DOCK10: variants seen among roughly 807,000 people sequenced by gnomAD.
DOCK10 encodes dedicator of cytokinesis protein 10.
In DOCK10, 145 loss-of-function variants were observed where a neutral mutation model predicts 280.1. That is an observed-to-expected ratio of 0.52 (90% CI 0.45 to 0.59). DOCK10 has a LOEUF of 0.59. Ranked by LOEUF, DOCK10 falls within the 20% of genes least tolerant of loss-of-function variation. The probability of loss-of-function intolerance (pLI) is 0.00; values close to 1 mark genes in which losing one functional copy is unlikely to be tolerated. For missense variants in DOCK10, 2,368 were observed against 2,651.7 expected, an observed-to-expected ratio of 0.89 and a Z score of 2.35; for synonymous variants, 915 against 942.2, an observed-to-expected ratio of 0.97 and a Z score of 0.53.
At chr2:224,828,697 T>G (rs1423218754) in intron 27 of DOCK10, among the ~76,000 whole-genome samples, 2 of 152,174 alleles carry the variant, frequency 1.3e-5, no homozygotes, top group African/African-American at 4.8e-5. Flanking sequence ...AGAGGCCATG[T>G]GCTGTGCTTA....
In DOCK10 at chr2:224,885,269, G is replaced by T. The variant is rs1699210753; in HGVS notation, c.747+402C>A. Among the ~76,000 whole-genome samples the T allele has an allele frequency of 4.6e-5, 7 of 152,162 alleles. No individual in the cohort carries two copies. The South Asian group carries it at 1.4e-3, about 31-fold the overall frequency. On this transcript the variant is annotated intron_variant, in intron 7 of 55. Transcript: ENST00000258390. Reference sequence around the variant, plus strand: ...CCCGCCTTGGCCTCCCAAAGTGTTGGGATTACAGGTGTGAGCCCCTGCGCC... The same window carrying T: ...CCCGCCTTGGCCTCCCAAAGTGTTGTGATTACAGGTGTGAGCCCCTGCGCC...
At chr2:224,774,828 T>A (rs1690716143) in intron 52 of DOCK10, 77 bp downstream of exon 52, 1 of 1,340,512 alleles carries the variant, frequency 7.5e-7, no homozygotes, top group Admixed American at 2.0e-5. Flanking sequence ...TAACTCTTGA[T>A]TCCTACTGAT....
chr2:224,963,646 C>T (rs13402952), intron 1 of DOCK10, among the ~76,000 whole-genome samples: 37,334 of 151,986 alleles, frequency 0.25, 4,763 homozygotes, highest in Admixed American at 0.28. Flanking sequence ...ATGTAAATGA[C>T]GAGAACGTGA....
chr2:224,896,917 C>A (rs746957564), intron 3 of DOCK10, among the ~76,000 whole-genome samples: 1 of 152,138 alleles, frequency 6.6e-6, no homozygotes, highest in African/African-American at 2.4e-5. Context: ...ATAGGGGGAA[C>A]TATTTAACAT....
chr2:224,837,416 AAACC>A (rs1299192776), intron 25 of DOCK10, among the ~76,000 whole-genome samples: 1 of 152,256 alleles, frequency 6.6e-6, no homozygotes, highest in Non-Finnish European at 1.5e-5. Flanking sequence ...AGCATTCAAC[AAACC>A]AACAGGAAAG....
intron 1 of DOCK10, among the ~76,000 whole-genome samples, chr2:224,981,447 A>C (rs2126252755): frequency 6.6e-6 from 1 of 152,342 alleles, no homozygotes; most frequent in Non-Finnish European, 1.5e-5. Context: ...CCTAGACTTC[A>C]ATGTCTCCTC....
intron 1 of DOCK10, among the ~76,000 whole-genome samples, chr2:224,987,457 A>T (rs1706004007): frequency 6.6e-6 from 1 of 151,848 alleles, no homozygotes; most frequent in Non-Finnish European, 1.5e-5. Flanking sequence ...ACACTAGAGC[A>T]CCTGTCACCA....
At position 224,864,953 on chromosome 2, in the gene DOCK10, ATT is replaced by A. The variant is rs1164710683; in HGVS notation, c.1390_1391del (p.Asn464TrpfsTer40). ...MLLGASVALE[N>X]GNIDTITPRQ... ...TTGGAGTGATGGTGTCGATGTTGCC[ATT>A]TTCCAAAGCCACAGAAGCCCCCAAG... is the stretch of plus-strand genomic sequence containing the variant. On this transcript the variant is annotated frameshift_variant, in exon 12 of 56. Coordinates refer to ENST00000258390, the MANE Select transcript of DOCK10 (RefSeq NM_014689.3). LOFTEE classifies it high-confidence loss of function. 1 of 1,613,704 alleles carries A rather than the reference ATT, an allele frequency of 6.2e-7. No homozygotes were observed. The highest frequency in any genetic ancestry group is 2.2e-5 in the East Asian group (1 of 44,890).
chr2:224,784,090 G>A (rs1423813724), intron 50 of DOCK10, among the ~76,000 whole-genome samples: 1 of 152,066 alleles, frequency 6.6e-6, no homozygotes, highest in Non-Finnish European at 1.5e-5. Flanking sequence ...GACATGGCTT[G>A]TTCTCCAAAT....
At chr2:224,963,216 G>A (rs1363791854) in intron 1 of DOCK10, among the ~76,000 whole-genome samples, 1 of 152,150 alleles carries the variant, frequency 6.6e-6, no homozygotes, top group Non-Finnish European at 1.5e-5. Flanking sequence ...GAACCCTTAA[G>A]GGTTTCACGT....
intron 13 of DOCK10, 104 bp from the exon 14 acceptor site, chr2:224,862,850 A>G (rs1697609135): frequency 2.8e-6 from 2 of 717,968 alleles, no homozygotes; most frequent in Non-Finnish European, 2.1e-6. Context: ...ACTGAAACTC[A>G]GCGTAACTGT....
In DOCK10 at chr2:224,959,405, C is replaced by T. The variant is rs1256309357; in HGVS notation, c.124-27737G>A. ...CAGCCATTTCCAGGTAAACCTACAA[C>T]CGGACCCCAAAAAATAAGCCTTTAT... is the stretch of plus-strand genomic sequence containing the variant. On this transcript the variant is annotated intron_variant, in intron 1 of 55. Transcript: ENST00000258390. Among the ~76,000 whole-genome samples, 5 of 151,280 alleles carry T rather than the reference C, an allele frequency of 3.3e-5. No individual in the cohort carries two copies. The East Asian group carries it at 9.7e-4, about 29-fold the overall frequency.
chr2:224,994,327 T>C (rs1167833407), intron 1 of DOCK10, among the ~76,000 whole-genome samples: 1 of 152,222 alleles, frequency 6.6e-6, no homozygotes, highest in Non-Finnish European at 1.5e-5. Flanking sequence ...TTAACTCCTC[T>C]CAACCTTCAC....
intron 53 of DOCK10, among the ~76,000 whole-genome samples, chr2:224,771,738 G>C (rs1327747892): frequency 6.6e-6 from 1 of 152,170 alleles, no homozygotes; most frequent in East Asian, 1.9e-4. Context: ...TGCTTCTCCA[G>C]ATCAAATCTC....
chr2:225,037,474 G>A (rs915502617), intron 1 of DOCK10, among the ~76,000 whole-genome samples: 7 of 152,106 alleles, frequency 4.6e-5, no homozygotes, highest in African/African-American at 1.7e-4. Flanking sequence ...CATATCCACC[G>A]ATTTGAAGAT....
At chr2:225,004,177 G>A (rs1706511786) in intron 1 of DOCK10, among the ~76,000 whole-genome samples, 1 of 152,216 alleles carries the variant, frequency 6.6e-6, no homozygotes, top group Non-Finnish European at 1.5e-5. Flanking sequence ...CTTTGCAGAT[G>A]AGTTAAGCCT....
intron 1 of DOCK10, among the ~76,000 whole-genome samples, chr2:225,005,131 T>C (rs1706532721): frequency 6.6e-6 from 1 of 152,222 alleles, no homozygotes; most frequent in African/African-American, 2.4e-5. Flanking sequence ...CTTTTTGTCA[T>C]GAGATAGATA....
intron 1 of DOCK10, among the ~76,000 whole-genome samples, chr2:224,984,803 C>T (rs1373365935): frequency 1.3e-5 from 2 of 151,414 alleles, no homozygotes; most frequent in Non-Finnish European, 2.9e-5. Flanking sequence ...AGAAACCTAC[C>T]CAGAGGCCAT....
chr2:225,041,331 T>C (rs1690418004), intron 1 of DOCK10, among the ~76,000 whole-genome samples: 1 of 152,226 alleles, frequency 6.6e-6, no homozygotes, highest in South Asian at 2.1e-4. Flanking sequence ...GCGCGGCTGC[T>C]GAGCCCCGGT....
Sources: gnomAD v4.1 joint callset for allele counts (sites outside exome capture counted in the v4.1 genomes callset) on GRCh38, gnomAD v4.1.1 for gene constraint, MANE v1.5 for transcripts, NCBI Gene and HGNC (gene_info 2026-07-23, HGNC 2026-07-21) for gene names.